The following ZSCAN5B variants were observed in gnomAD, a reference collection of about 807,000 sequenced individuals.
The protein encoded by ZSCAN5B is zinc finger and SCAN domain-containing protein 5B.
ZSCAN5B carries 26 observed loss-of-function variants against 25.2 expected under a neutral mutation model. That is an observed-to-expected ratio of 1.03 (90% confidence interval 0.76 to 1.43). The LOEUF (loss-of-function observed/expected upper bound fraction) is 1.43, where lower values mean the gene tolerates loss of function less well. Ranked by LOEUF, ZSCAN5B falls within the 40% of genes most tolerant of loss-of-function variation. ZSCAN5B has a pLI of 0.00. For missense variants in ZSCAN5B, 745 were observed against 622.1 expected, an observed-to-expected ratio of 1.20 and a Z score of -2.10; for synonymous variants, 244 against 240.9, an observed-to-expected ratio of 1.01 and a Z score of -0.12.
At chr19:56,190,755 A>G in intron 4 of ZSCAN5B, 82 bp downstream of exon 4, 1 of 1,556,000 alleles carries the variant, frequency 6.4e-7, no homozygotes. Context: ...CGCCAGCCCC[A>G]GGGGATGATA....
At chr19:56,191,094 C>T in intron 3 of ZSCAN5B, 107 bp from the exon 4 acceptor site, 1 of 1,472,292 alleles carries the variant, frequency 6.8e-7, no homozygotes. Context: ...ATGGACCACC[C>T]CATCACCCCA....
intron 1 of ZSCAN5B, among the ~76,000 whole-genome samples, chr19:56,196,711 C>A (rs1438686554): frequency 6.6e-6 from 1 of 152,198 alleles, no homozygotes. Flanking sequence ...AGCAGTGAAC[C>A]GCGATTGTGC....
At chr19:56,189,732 C>A (rs2032696188) in exon 5 of ZSCAN5B, 2 of 1,432,290 alleles carry the variant, frequency 1.4e-6, no homozygotes, top group Admixed American at 2.6e-5. Context: ...GCAATTCCTA[C>A]CAAGTGCTTT....
chr19:56,189,802 G>A (rs771850001), exon 5 of ZSCAN5B: 7 of 1,584,848 alleles, frequency 4.4e-6, no homozygotes, highest in African/African-American at 1.3e-5. Context: ...CTCTTGGGGT[G>A]GAGGATGTGG....
intron 1 of ZSCAN5B, among the ~76,000 whole-genome samples, chr19:56,194,068 A>G (rs2032776590): frequency 6.6e-6 from 1 of 152,048 alleles, no homozygotes; most frequent in East Asian, 1.9e-4. Context: ...AACATGCGCT[A>G]TGTTGTGCAA....
At chr19:56,195,719 T>C (rs1469069804) in intron 1 of ZSCAN5B, among the ~76,000 whole-genome samples, 2 of 152,168 alleles carry the variant, frequency 1.3e-5, no homozygotes. Context: ...AAAAACTACC[T>C]ACTGGGTACT....
chr19:56,194,353 T>A (rs1232468721), intron 1 of ZSCAN5B, among the ~76,000 whole-genome samples: 1 of 151,778 alleles, frequency 6.6e-6, no homozygotes, highest in Non-Finnish European at 1.5e-5. Context: ...TGGAGGGAAA[T>A]TTGCAGTCAT....
chr19:56,190,185 T>C (rs1165544566), exon 5 of ZSCAN5B: 4 of 1,613,958 alleles, frequency 2.5e-6, no homozygotes, highest in Non-Finnish European at 2.5e-6. Flanking sequence ...GTCTCCTGTG[T>C]GTGACCTCCT....
intron 1 of ZSCAN5B, among the ~76,000 whole-genome samples, chr19:56,195,713 A>G (rs2032801768): frequency 6.6e-6 from 1 of 152,232 alleles, no homozygotes; most frequent in South Asian, 2.1e-4. Context: ...AGGTGGAAAA[A>G]CTACCTACTG....
At chr19:56,192,264 T>C (rs561965847) in intron 2 of ZSCAN5B, among the ~76,000 whole-genome samples, 1 of 152,106 alleles carries the variant, frequency 6.6e-6, no homozygotes, top group African/African-American at 2.4e-5. Context: ...GATGAAAGGG[T>C]CTCTAACCAA....
chr19:56,190,615 G>T (rs769425771), intron 4 of ZSCAN5B, 40 bp from the exon 5 acceptor site: 1 of 1,593,048 alleles, frequency 6.3e-7, no homozygotes, highest in Non-Finnish European at 8.5e-7. Flanking sequence ...AGTTAACAAA[G>T]CCGATTTTCA....
At chr19:56,193,034 G>A (rs1328158781) in exon 2 of ZSCAN5B, 3 of 1,565,262 alleles carry the variant, frequency 1.9e-6, no homozygotes, top group East Asian at 4.8e-5. Context: ...CCCCATGAGA[G>A]TGTCCAATTT....
chr19:56,195,059 G>T (rs1271996244), intron 1 of ZSCAN5B, among the ~76,000 whole-genome samples: 3 of 152,162 alleles, frequency 2.0e-5, no homozygotes, highest in Non-Finnish European at 4.4e-5. Context: ...CAACCTGAAG[G>T]TCTGCAGAGG....
At chr19:56,196,366 T>A (rs972759570) in intron 1 of ZSCAN5B, among the ~76,000 whole-genome samples, 5 of 152,024 alleles carry the variant, frequency 3.3e-5, no homozygotes, top group African/African-American at 1.2e-4. Flanking sequence ...AAACTTTTTT[T>A]TAAAAAAATA....
At chr19:56,189,864 C>A (rs185491243) in exon 5 of ZSCAN5B, 2 of 1,613,310 alleles carry the variant, frequency 1.2e-6, no homozygotes, top group South Asian at 2.2e-5. Flanking sequence ...TTTCAGGTGA[C>A]GCTTGAATGT....
chr19:56,190,724 G>C, intron 4 of ZSCAN5B, 113 bp downstream of exon 4: 1 of 1,541,872 alleles, frequency 6.5e-7, no homozygotes, highest in Non-Finnish European at 8.7e-7. Context: ...GGAAAGTGGA[G>C]GAGAGATTTT....
rs748940258 is a variant in ZSCAN5B, at chr19:56,189,864, CGCTTGAATGTCCCCAGCTGACGGAA to C, written c.1426_1450del (p.Phe476ValfsTer3). ...GGTTTCCCGGTGTGTTTTCAGGTGA[CGCTTGAATGTCCCCAGCTGACGGAA>C]GGCCTTTTGACAGGTGGGACATTTG... On this transcript the variant is annotated frameshift_variant, in exon 5 of 5. Coordinates refer to ENST00000586855, the Ensembl canonical transcript of ZSCAN5B. LOFTEE classifies it low-confidence loss of function (END_TRUNC). The C allele has an allele frequency of 1.9e-6, 3 of 1,613,310 alleles. No individual in the cohort carries two copies. Among genetic ancestry groups the C allele is most frequent in the Non-Finnish European group, 2.5e-6 (3 of 1,179,436 alleles).
At chr19:56,194,815 C>T (rs1331033705) in intron 1 of ZSCAN5B, among the ~76,000 whole-genome samples, 2 of 152,126 alleles carry the variant, frequency 1.3e-5, no homozygotes, top group African/African-American at 2.4e-5. Flanking sequence ...CCATGTTGAA[C>T]AGGCTGGTCT....
chr19:56,191,713 T>C (rs1418704929), intron 3 of ZSCAN5B, 137 bp downstream of exon 3: 2 of 735,144 alleles, frequency 2.7e-6, no homozygotes, highest in East Asian at 7.0e-5. Flanking sequence ...GAATGAATGT[T>C]TGGGGATGTA....
Sources: gnomAD v4.1 joint callset for allele counts (sites outside exome capture counted in the v4.1 genomes callset) on GRCh38, gnomAD v4.1.1 for gene constraint, MANE v1.5 for transcripts, NCBI Gene and HGNC (gene_info 2026-07-23, HGNC 2026-07-21) for gene names.